RHOT2: variants seen among roughly 807,000 people sequenced by gnomAD.
The protein encoded by RHOT2 is ras homolog family member T2, also known as mitochondrial Rho GTPase 2.
In RHOT2, 90 loss-of-function variants were observed where a neutral mutation model predicts 81.6. That is an observed-to-expected ratio of 1.10 (90% CI 0.93 to 1.31). The LOEUF is 1.31. RHOT2 is among the 40% of genes most tolerant of loss of function. RHOT2 has a pLI of 0.00. For synonymous variants in RHOT2, 512 were observed against 370.9 expected (o/e 1.38, Z -4.37); for missense variants, 1,014 against 841.9 (o/e 1.20, Z -2.53).
At chr16:669,451 G>C in intron 4 of RHOT2, 102 bp from the exon 5 acceptor site, 1 of 1,183,488 alleles carries the variant, frequency 8.4e-7, no homozygotes, top group South Asian at 1.3e-5. Flanking sequence ...CTACCTGTGA[G>C]CTTCTGGGGC....
In RHOT2 at chr16:671,087, C is replaced by T. The variant is rs368967328; in HGVS notation, c.753C>T (p.Phe251=). Residue 251 remains phenylalanine, a synonymous_variant, in exon 11 of 19, where the codon TTC becomes TTT. Transcript: ENST00000315082. ...CCCTGCTTTGTCTCGGTGCAGGTTT[C>T]CTCTTCCTGAACACGCTCTTCATCC... ...VREDRLTLDG[F]LFLNTLFIQR... The T allele has an allele frequency of 2.4e-5, 39 of 1,609,170 alleles. No individual in the cohort carries two copies. In the East Asian group the frequency reaches 2.9e-4, roughly 12 times the overall value.
chr16:670,398 T>A, intron 7 of RHOT2, 41 bp downstream of exon 7: 1 of 1,610,104 alleles, frequency 6.2e-7, no homozygotes. Context: ...TCATTCCTTG[T>A]GTTCTCAGTC....
chr16:669,486 G>T (rs567003514), intron 4 of RHOT2, 67 bp from the exon 5 acceptor site: 6 of 1,538,396 alleles, frequency 3.9e-6, no homozygotes, highest in Non-Finnish European at 5.4e-6. Context: ...AGATGGCGTG[G>T]AACGGCCAGG....
intron 4 of RHOT2, 174 bp downstream of exon 4, chr16:668,873 C>T: frequency 1.6e-6 from 1 of 624,284 alleles, no homozygotes; most frequent in Non-Finnish European, 2.7e-6. Context: ...GGAGCCGGCA[C>T]CGCTCAGTCC....
In RHOT2 at chr16:671,197, C is replaced by A; in HGVS notation, c.863C>A (p.Ser288Tyr). 2 of 1,555,820 alleles carry A rather than the reference C, an allele frequency of 1.3e-6. No homozygotes were observed. The highest frequency in any genetic ancestry group is 1.7e-6 in the Non-Finnish European group (2 of 1,149,338). ...CTGGAGCTGACTGCGGACTATCTCT[C>A]CCCTCTGTGAGTGATGCCGGGGCTT... The part of the protein sequence containing the change: ...DALELTADYL[S>Y]PLIHVPPGCS... Residue 288 changes from serine (S) to tyrosine (Y), a missense_variant, in exon 11 of 19, where the codon TCC becomes TAC. Ser to Tyr is a moderately radical substitution (Grantham distance 144). Transcript: ENST00000315082.
rs2039044911 is a variant in RHOT2 at position 672,065 on chromosome 16, G to A, written c.1098-19G>A. The A allele has an allele frequency of 1.2e-6, 2 of 1,612,152 alleles. No homozygotes were observed. The highest frequency in any genetic ancestry group is 1.7e-6 in the Non-Finnish European group (2 of 1,179,712). On this transcript the variant is annotated intron_variant, in intron 13 of 18. Transcript: ENST00000315082. Reference sequence around the variant, plus strand: ...CCCTCCCCACCATAACACTGTGCCTGCCTCCCGCCCACCCCCAGCCTGGTG... The same window carrying A: ...CCCTCCCCACCATAACACTGTGCCTACCTCCCGCCCACCCCCAGCCTGGTG...
chr16:670,614 G>C (rs2151465649), intron 8 of RHOT2, 57 bp downstream of exon 8: 1 of 1,602,512 alleles, frequency 6.2e-7, no homozygotes, highest in East Asian at 2.2e-5. Flanking sequence ...GGGGTGCTGG[G>C]TGGGGCGGTG....
Position 670,876 on chromosome 16 carries a change from G to T in RHOT2, c.640-16G>T, listed in dbSNP as rs372301319. ...GGGTGGCTGGCTGACTCCCAACAAC[G>T]TTCTCTCGGAAGCAGAAATCCTGCT... is the stretch of plus-strand genomic sequence containing the variant. On this transcript the variant is annotated splice_polypyrimidine_tract_variant and intron_variant, in intron 9 of 18. Transcript: ENST00000315082. 1.3e-6 allele frequency: 2 copies of T among 1,582,286 alleles called. No individual in the cohort carries two copies. The highest frequency in any genetic ancestry group is 1.7e-6 in the Non-Finnish European group (2 of 1,160,174).
chr16:671,502 C>T (rs540468559), intron 11 of RHOT2, among the ~76,000 whole-genome samples, 195 bp from the exon 12 acceptor site: 2 of 152,188 alleles, frequency 1.3e-5, no homozygotes, highest in Non-Finnish European at 2.9e-5. Context: ...TGGGCCTCAG[C>T]CAGGCCTCCC....
rs2038713672 is a variant in RHOT2, at chr16:670,364, A to G, written c.438+7A>G. On this transcript the variant is annotated splice_region_variant and intron_variant, in intron 7 of 18. Coordinates refer to ENST00000315082, the MANE Select transcript of RHOT2 (RefSeq NM_138769.3). The stretch of plus-strand genomic sequence containing the variant: ...GATTGAGACCTGCGTGGAGGTGAGT[A>G]GGTCCCAGGCAGGGCCGCCTCCTTC... 6.2e-7 allele frequency: 1 copy of G among 1,612,368 alleles called. No individual in the cohort carries two copies.
intron 4 of RHOT2, 200 bp from the exon 5 acceptor site, chr16:669,353 C>T: frequency 1.6e-6 from 1 of 613,494 alleles, no homozygotes; most frequent in Non-Finnish European, 2.9e-6. Flanking sequence ...CCCAGTGTGA[C>T]ACTGGGGAGT....
rs1159118937 is a variant in RHOT2 at position 668,539 on chromosome 16, A to G, written c.148A>G (p.Lys50Glu). 6.2e-7 allele frequency: 1 copy of G among 1,609,676 alleles called. No individual in the cohort carries two copies. The highest frequency in any genetic ancestry group is 8.5e-7 in the Non-Finnish European group (1 of 1,178,868). Residue 50 changes from lysine (K) to glutamate (E), a missense_variant, in exon 3 of 19, where the codon AAG becomes GAG. Physicochemically the swap from Lys to Glu is moderately conservative, Grantham distance 56. Transcript: ENST00000315082. Reference protein sequence around the residue: ...ITIPADVTPEKVPTHIVDYSE... With the variant: ...ITIPADVTPEEVPTHIVDYSE... ...CATCCCCGCGGACGTCACCCCGGAG[A>G]AGGTGCCCACCCACATCGTGGACTA...
chr16:668,953 C>G, intron 4 of RHOT2: 1 of 531,754 alleles, frequency 1.9e-6, no homozygotes, highest in Non-Finnish European at 3.3e-6. Context: ...GTGGCAGCAG[C>G]GTTTGCTCTT....
In RHOT2 at chr16:672,401, C is replaced by G; in HGVS notation, c.1326+17C>G. On this transcript the variant is annotated intron_variant, in intron 15 of 18. Transcript: ENST00000315082. The stretch of plus-strand genomic sequence containing the variant: ...GGCCTGGGGGTAAGCACCCTAGACT[C>G]CCCCACCACCCCAGGGGCTCCAGGG... 1 of 1,607,274 alleles carries G rather than the reference C, an allele frequency of 6.2e-7. No homozygotes were observed.
rs897387617 is a variant in RHOT2 at position 673,512 on chromosome 16, C to T, written c.1763C>T (p.Ser588Phe). 1.9e-6 allele frequency: 3 copies of T among 1,612,712 alleles called. No individual in the cohort carries two copies. The highest frequency in any genetic ancestry group is 1.7e-4 in the Middle Eastern group (1 of 6,044). The stretch of plus-strand genomic sequence containing the variant: ...GTCCACGCAGAGCTGCATCCCTCTT[C>T]CTTCTGGCTCCGGGGGCTGCTGGGG... ...HLVHAELHPS[S>F]FWLRGLLGVV... is the part of the protein sequence containing the mutation. The change falls in exon 19 of 19, where the codon TCC becomes TTC. Residue 588 changes from serine (S) to phenylalanine (F), a missense_variant. Transcript: ENST00000315082.
Position 668,981 on chromosome 16 carries a change from C to T in RHOT2, c.222+282C>T, listed in dbSNP as rs141356764. The T allele has an allele frequency of 4.7e-4, 243 of 513,486 alleles. 2 individuals are homozygous for T. In the East Asian group the frequency reaches 8.0e-3, roughly 17 times the overall value. The allele number at this position is 513,486 out of a possible 1,614,324, so 31.8% of individuals were successfully genotyped here. A position where few individuals can be genotyped will look rare whatever the true frequency, so the allele number is the denominator to read the frequency against. On this transcript the variant is annotated intron_variant, in intron 4 of 18. Coordinates refer to ENST00000315082, the MANE Select transcript of RHOT2 (RefSeq NM_138769.3). ...TTGCTCTTCCTGTGGGCTCTGTGTG[C>T]GCCACGTCCCCGTGCTGTGTGCTCC...
chr16:673,072 G>GGCCCAGCCGA lies in RHOT2; in HGVS notation c.1680_1689dup (p.Thr564ArgfsTer134). 3 of 1,611,774 alleles carry GGCCCAGCCGA rather than the reference G, an allele frequency of 1.9e-6. No individual in the cohort carries two copies. Among genetic ancestry groups the GGCCCAGCCGA allele is most frequent in the Non-Finnish European group, 2.5e-6 (3 of 1,179,942 alleles). ...CGCTCCCGTGCCGTTCTCCTGTGCT[G>GGCCCAGCCGA]GCCCAGCCGAGCCCAGCACCACCAT... On this transcript the variant is annotated frameshift_variant, in exon 18 of 19. Coordinates refer to ENST00000315082, the MANE Select transcript of RHOT2 (RefSeq NM_138769.3). LOFTEE classifies it high-confidence loss of function.
At chr16:670,399 G>C in intron 7 of RHOT2, 42 bp downstream of exon 7, 1 of 1,610,140 alleles carries the variant, frequency 6.2e-7, no homozygotes, top group Middle Eastern at 1.7e-4. Flanking sequence ...CATTCCTTGT[G>C]TTCTCAGTCG....
chr16:672,904 C>T (rs777825738), intron 17 of RHOT2, 24 bp from the exon 18 acceptor site: 10 of 1,612,726 alleles, frequency 6.2e-6, no homozygotes, highest in South Asian at 4.4e-5. Context: ...CAGGACTGTA[C>T]CTCATACCAC....
Sources: gnomAD v4.1 joint callset for allele counts (sites outside exome capture counted in the v4.1 genomes callset) on GRCh38, gnomAD v4.1.1 for gene constraint, MANE v1.5 for transcripts, NCBI Gene and HGNC (gene_info 2026-07-23, HGNC 2026-07-21) for gene names.